The following ZNF469 variants were observed in gnomAD, a reference collection of about 807,000 sequenced individuals.
The protein encoded by ZNF469 is zinc finger protein 469.
In ZNF469, 1 loss-of-function variant was observed where a neutral mutation model predicts 1.0. The ratio of observed to expected loss-of-function variants is 1.00; its 90% CI spans 0.35 to 4.73. The LOEUF (loss-of-function observed/expected upper bound fraction) is 4.73, where lower values mean the gene tolerates loss of function less well. Among genes scored for constraint, ZNF469 ranks in the 30% most tolerant of loss-of-function variants. The probability of loss-of-function intolerance (pLI) is 0.16; values close to 1 mark genes in which losing one functional copy is unlikely to be tolerated. For missense variants in ZNF469, 6,100 were observed against 5,356.3 expected (o/e 1.14, Z -4.33); for synonymous variants, 2,703 against 2,363.4 (o/e 1.14, Z -4.17).
At chr16:88,220,473 G>C in the ZNF469 span, among the ~76,000 whole-genome samples, 14 of 152,202 alleles carry the variant, frequency 9.2e-5, no homozygotes, top group African/African-American at 3.1e-4. Flanking sequence ...GCTGCAAGCA[G>C]ATGGCAGCCA....
At chr16:88,277,749 T>C in the ZNF469 span, among the ~76,000 whole-genome samples, 8,399 of 54,946 alleles carry the variant, frequency 0.15, 432 homozygotes, top group East Asian at 0.31. Context: ...ATTAGTGCTG[T>C]GCCACGCTGA....
At chr16:88,299,939 G>A in the ZNF469 span, among the ~76,000 whole-genome samples, 200 of 152,304 alleles carry the variant, frequency 1.3e-3, no homozygotes, top group African/African-American at 4.5e-3. Flanking sequence ...CCTTTTCTTT[G>A]TGTGGTGGCA....
At chr16:88,182,006 G>A in the ZNF469 span, among the ~76,000 whole-genome samples, 1 of 152,338 alleles carries the variant, frequency 6.6e-6, no homozygotes, top group East Asian at 1.9e-4. Context: ...ACCAGAAAAT[G>A]TGTAAGAGCT....
the ZNF469 span, among the ~76,000 whole-genome samples, chr16:88,245,227 TTGC>T: frequency 6.6e-6 from 1 of 152,216 alleles, no homozygotes; most frequent in African/African-American, 2.4e-5. Context: ...TGGTGCAGCC[TTGC>T]TGCAGCATGA....
chr16:88,144,297 C>T, the ZNF469 span, among the ~76,000 whole-genome samples: 16 of 152,192 alleles, frequency 1.1e-4, no homozygotes, highest in African/African-American at 3.4e-4. Context: ...CGTTTAACTT[C>T]GGGAACCATG....
chr16:88,148,340 C>T, the ZNF469 span, among the ~76,000 whole-genome samples: 1 of 152,220 alleles, frequency 6.6e-6, no homozygotes, highest in Non-Finnish European at 1.5e-5. Flanking sequence ...CACAGGAGGT[C>T]CAGCCACACA....
chr16:88,420,708 C>T (rs1055054964), intron 1 of ZNF469, among the ~76,000 whole-genome samples: 2 of 152,244 alleles, frequency 1.3e-5, no homozygotes, highest in African/African-American at 4.8e-5. Flanking sequence ...GCACTCACTG[C>T]GTGCTGGTTT....
At chr16:88,296,901 C>T in the ZNF469 span, among the ~76,000 whole-genome samples, 1 of 152,218 alleles carries the variant, frequency 6.6e-6, no homozygotes, top group African/African-American at 2.4e-5. Context: ...AGCCCTGGTG[C>T]AGCACGTTGG....
At chr16:88,338,365 C>A in the ZNF469 span, among the ~76,000 whole-genome samples, 1 of 152,210 alleles carries the variant, frequency 6.6e-6, no homozygotes, top group Non-Finnish European at 1.5e-5. Flanking sequence ...GGAGTCTGCA[C>A]CCTGCAGGCC....
the ZNF469 span, among the ~76,000 whole-genome samples, chr16:88,103,644 A>G: frequency 1.3e-5 from 2 of 152,044 alleles, no homozygotes; most frequent in South Asian, 4.1e-4. Context: ...ACCCCACGGG[A>G]GCCCTGGGAT....
chr16:88,318,618 G>C, the ZNF469 span, among the ~76,000 whole-genome samples: 1 of 152,270 alleles, frequency 6.6e-6, no homozygotes, highest in Non-Finnish European at 1.5e-5. Context: ...CATGAAGTAA[G>C]AACTCCTGGC....
chr16:88,437,863 G>A lies in ZNF469; in HGVS notation c.10393G>A (p.Ala3465Thr), dbSNP rs1044011570. 1.3e-6 allele frequency: 2 copies of A among 1,539,184 alleles called. No individual in the cohort carries two copies. Among genetic ancestry groups the A allele is most frequent in the East Asian group, 2.5e-5 (1 of 40,574 alleles). Residue 3465 changes from alanine (A) to threonine (T), a missense_variant, in exon 3 of 3, where the codon GCC (alanine) becomes ACC (threonine). Ala to Thr is a moderately conservative substitution (Grantham distance 58). Coordinates refer to ENST00000565624, the MANE Select transcript of ZNF469 (RefSeq NM_001367624.2). ...GGGAGCGCCGGGACAGAAGGCCCGG[G>A]CCCTCGAGGGCACACTGCCCAGCAA... Reference protein sequence around the residue: ...RPGAPGQKARALEGTLPSKRR... With the variant: ...RPGAPGQKARTLEGTLPSKRR...
Position 88,436,106 on chromosome 16 carries a change from G to A in ZNF469, c.8636G>A (p.Gly2879Glu). Residue 2879 changes from glycine to glutamate, a missense_variant, in exon 3 of 3, where the codon GGG (glycine) becomes GAG (glutamate). Transcript: ENST00000565624. ...AGAAAGAGGAACCCGCATGTCTACG[G>A]GAAGCGCTGTGAGAAGCCGGTGCTC... ...LTRKRNPHVY[G>E]KRCEKPVLPL... The A allele has an allele frequency of 6.5e-7, 1 of 1,549,142 alleles. No homozygotes were observed. Among genetic ancestry groups the A allele is most frequent in the Non-Finnish European group, 8.7e-7 (1 of 1,146,980 alleles).
chr16:88,124,025 A>T, the ZNF469 span, among the ~76,000 whole-genome samples: 1 of 151,958 alleles, frequency 6.6e-6, no homozygotes, highest in Admixed American at 6.6e-5. Flanking sequence ...CTGGTCTCGA[A>T]CTCCTGAACT....
At chr16:88,251,536 G>GTTTTTTT in the ZNF469 span, among the ~76,000 whole-genome samples, 1 of 78,788 alleles carries the variant, frequency 1.3e-5, no homozygotes, top group Non-Finnish European at 2.3e-5. Context: ...TGTCCCTGCT[G>GTTTTTTT]TCTTTTTTTT....
At chr16:88,273,236 T>C in the ZNF469 span, among the ~76,000 whole-genome samples, 2 of 115,194 alleles carry the variant, frequency 1.7e-5, no homozygotes, top group Non-Finnish European at 3.5e-5. Flanking sequence ...GCTGCAATCC[T>C]GTGTGGTGTT....
At chr16:88,408,964 C>T (rs1905078715) in intron 1 of ZNF469, among the ~76,000 whole-genome samples, 1 of 152,274 alleles carries the variant, frequency 6.6e-6, no homozygotes, top group African/African-American at 2.4e-5. Context: ...CCAGCCCCAC[C>T]TTCTGAAGCC....
At chr16:88,151,339 C>T in the ZNF469 span, among the ~76,000 whole-genome samples, 1 of 152,240 alleles carries the variant, frequency 6.6e-6, no homozygotes, top group Non-Finnish European at 1.5e-5. The surrounding 1 kb of genome is among the most constrained non-coding windows in gnomAD (Gnocchi z 5.4). Context: ...CTGATGTGTT[C>T]GGTGACTCAG....
chr16:88,226,277 G>T, the ZNF469 span, among the ~76,000 whole-genome samples: 476 of 152,248 alleles, frequency 3.1e-3, 2 homozygotes, highest in African/African-American at 0.011. Context: ...TGTGAAAATG[G>T]GCCTCTGCAG....
Sources: gnomAD v4.1 joint callset for allele counts (sites outside exome capture counted in the v4.1 genomes callset) on GRCh38, gnomAD v4.1.1 for gene constraint, Gnocchi (gnomAD v3.1) non-coding constraint, MANE v1.5 for transcripts, NCBI Gene and HGNC (gene_info 2026-07-23, HGNC 2026-07-21) for gene names.